EIF4G3: variants seen among roughly 807,000 people sequenced by gnomAD.
EIF4G3 encodes eukaryotic translation initiation factor 4 gamma 3.
Under a neutral mutation model 186.4 loss-of-function variants are expected in EIF4G3, and 34 were observed. The observed-to-expected ratio is 0.18, with a 90% confidence interval of 0.14 to 0.24. The LOEUF is 0.24. Among genes scored for constraint, EIF4G3 ranks in the 10% least tolerant of loss-of-function variants. The pLI, the probability that EIF4G3 is intolerant of heterozygous loss-of-function variation, is 1.00. For missense variants in EIF4G3, 1,536 were observed against 1,948.5 expected (o/e 0.79, Z 3.99); for synonymous variants, 673 against 679.5 (o/e 0.99, Z 0.15).
At chr1:20,865,046 TAG>T in intron 21 of EIF4G3, 68 bp downstream of exon 21, 1 of 1,567,416 alleles carries the variant, frequency 6.4e-7, no homozygotes, top group Non-Finnish European at 8.7e-7. Context: ...ATGCTGTATC[TAG>T]CTTCCTGAAA....
chr1:20,984,285 C>A (rs1256275733), intron 7 of EIF4G3, among the ~76,000 whole-genome samples: 1 of 151,646 alleles, frequency 6.6e-6, no homozygotes, highest in Non-Finnish European at 1.5e-5. Context: ...CCTGCCTCAG[C>A]CTCCTGACTA....
chr1:20,953,090 T>C (rs1236876839), intron 12 of EIF4G3, among the ~76,000 whole-genome samples: 1 of 152,210 alleles, frequency 6.6e-6, no homozygotes, highest in Non-Finnish European at 1.5e-5. Flanking sequence ...GCCACTGCAT[T>C]TTAGTCACTT....
At chr1:21,084,102 ACTC>A (rs898313649) in intron 3 of EIF4G3, among the ~76,000 whole-genome samples, 2 of 151,708 alleles carry the variant, frequency 1.3e-5, no homozygotes, top group Non-Finnish European at 2.9e-5. Flanking sequence ...ATTCACACCT[ACTC>A]CTCTTAATCC....
chr1:20,870,625 G>T (rs1230735224), intron 20 of EIF4G3, among the ~76,000 whole-genome samples: 1 of 152,068 alleles, frequency 6.6e-6, no homozygotes, highest in Non-Finnish European at 1.5e-5. Flanking sequence ...TTATAATTAA[G>T]ACAAAAGCAC....
intron 2 of EIF4G3, among the ~76,000 whole-genome samples, chr1:21,157,477 C>A (rs2097684606): frequency 6.6e-6 from 1 of 151,550 alleles, no homozygotes; most frequent in African/African-American, 2.4e-5. Flanking sequence ...GCTAGAGTGA[C>A]CCTCCTGCTC....
chr1:21,122,225 C>G (rs2096938461), intron 2 of EIF4G3, among the ~76,000 whole-genome samples: 1 of 152,160 alleles, frequency 6.6e-6, no homozygotes. Flanking sequence ...GATGAGCTCT[C>G]AATGTAGTAT....
At chr1:21,045,710 G>A (rs2093843282) in intron 4 of EIF4G3, among the ~76,000 whole-genome samples, 1 of 151,976 alleles carries the variant, frequency 6.6e-6, no homozygotes, top group Non-Finnish European at 1.5e-5. Flanking sequence ...TAAAGCAAAT[G>A]TGCATCACCA....
chr1:21,086,396 C>G (rs940293742), intron 3 of EIF4G3, among the ~76,000 whole-genome samples: 1 of 148,758 alleles, frequency 6.7e-6, no homozygotes, highest in Non-Finnish European at 1.5e-5. Context: ...CAGCTTAAAA[C>G]CCCCCCAACC....
chr1:20,908,102 A>G (rs71647173), intron 14 of EIF4G3, among the ~76,000 whole-genome samples: 2,902 of 151,748 alleles, frequency 0.019, 32 homozygotes, highest in Non-Finnish European at 0.025. Context: ...GGTGTGAGAT[A>G]GTATCTCATT....
At chr1:20,871,211 T>A (rs573252560) in intron 20 of EIF4G3, among the ~76,000 whole-genome samples, 5 of 152,262 alleles carry the variant, frequency 3.3e-5, no homozygotes, top group African/African-American at 1.2e-4. Flanking sequence ...AAGAGAAAAA[T>A]GGCTTAACAA....
chr1:21,003,186 T>TTTTC (rs1557442982), intron 4 of EIF4G3, among the ~76,000 whole-genome samples: 2 of 150,626 alleles, frequency 1.3e-5, no homozygotes. Flanking sequence ...TTTTTTTTTT[T>TTTTC]TTTCAGAGAC....
At chr1:21,114,328 G>T (rs180880988) in intron 2 of EIF4G3, among the ~76,000 whole-genome samples, 93 of 152,102 alleles carry the variant, frequency 6.1e-4, no homozygotes, top group African/African-American at 2.2e-3. Flanking sequence ...TGTATTTTTA[G>T]TAGAGACGGG....
At chr1:20,830,450 C>T (rs1310394670) in intron 30 of EIF4G3, among the ~76,000 whole-genome samples, 2 of 152,188 alleles carry the variant, frequency 1.3e-5, no homozygotes, top group African/African-American at 4.8e-5. Context: ...AAATAGATGT[C>T]AAATAATTGC....
At chr1:21,073,589 A>G in intron 3 of EIF4G3, 1 of 484,498 alleles carries the variant, frequency 2.1e-6, no homozygotes, top group Non-Finnish European at 4.1e-6. Context: ...CAGGAACTGT[A>G]GGCCTCACAG....
chr1:20,903,071 C>T (rs1055723761), intron 15 of EIF4G3, among the ~76,000 whole-genome samples: 8 of 152,336 alleles, frequency 5.3e-5, no homozygotes, highest in African/African-American at 9.6e-5. Flanking sequence ...TCTGGCTCAC[C>T]GCCTGCTTTT....
intron 4 of EIF4G3, among the ~76,000 whole-genome samples, chr1:21,010,544 A>G (rs188164199): frequency 9.1e-4 from 138 of 152,368 alleles, no homozygotes; most frequent in Non-Finnish European, 1.6e-3. Flanking sequence ...ACATAGTACA[A>G]CAGATGTCTA....
chr1:21,003,768 C>A, intron 4 of EIF4G3: 1 of 449,742 alleles, frequency 2.2e-6, no homozygotes, highest in South Asian at 1.7e-5. Flanking sequence ...TTTCCCTGCT[C>A]TCTGATCATC....
chr1:20,969,995 G>C (rs1357798656), intron 11 of EIF4G3, among the ~76,000 whole-genome samples: 1 of 151,162 alleles, frequency 6.6e-6, no homozygotes, highest in Non-Finnish European at 1.5e-5. Context: ...AGACAGTCTC[G>C]CTCTATCACC....
intron 4 of EIF4G3, among the ~76,000 whole-genome samples, chr1:21,042,982 A>C (rs2093664673): frequency 6.6e-6 from 1 of 152,190 alleles, no homozygotes; most frequent in South Asian, 2.1e-4. Context: ...CCAGATAAAA[A>C]ATAAATTAGT....
Sources: gnomAD v4.1 joint callset for allele counts (sites outside exome capture counted in the v4.1 genomes callset) on GRCh38, gnomAD v4.1.1 for gene constraint, MANE v1.5 for transcripts, NCBI Gene and HGNC (gene_info 2026-07-23, HGNC 2026-07-21) for gene names.